Variants in CACNA2D1 observed in about 807,000 individuals in gnomAD.
The protein encoded by CACNA2D1 is calcium voltage-gated channel auxiliary subunit alpha2delta 1.
CACNA2D1 carries 53 observed loss-of-function variants against 171.5 expected under a neutral mutation model. The observed-to-expected ratio is 0.31, with a 90% CI of 0.25 to 0.39. The LOEUF is 0.39. CACNA2D1 is among the 10% of genes least tolerant of loss of function. CACNA2D1 has a pLI of 1.00. For synonymous variants in CACNA2D1, 442 were observed against 443.1 expected (o/e 1.00, Z 0.03); for missense variants, 903 against 1,299.8 (o/e 0.69, Z 4.69).
At position 82,055,955 on chromosome 7, in the gene CACNA2D1, T is replaced by TA. The variant is rs1562973604; in HGVS notation, c.879+4472dup. ...GTATATATATATATATATAATTTTT[T>TA]AAAAAAAGGAAAGAATCCCAAAAGG... is the stretch of plus-strand genomic sequence containing the variant. On this transcript the variant is annotated intron_variant, in intron 10 of 38. Coordinates refer to ENST00000356860, the MANE Select transcript of CACNA2D1 (RefSeq NM_000722.4). 6.5e-5 allele frequency among the ~76,000 whole-genome samples: 6 copies of TA among 92,110 alleles called. No homozygotes were observed. In the South Asian group the frequency reaches 1.0e-3, roughly 15 times the overall value. The allele number at this position is 92,110 out of a possible 152,430, so 60.4% of individuals were successfully genotyped here. A position where few individuals can be genotyped will look rare whatever the true frequency, so the allele number is the denominator to read the frequency against.
intron 3 of CACNA2D1, among the ~76,000 whole-genome samples, chr7:82,222,742 A>AT (rs1279105840): frequency 3.3e-5 from 5 of 151,280 alleles, no homozygotes; most frequent in South Asian, 4.2e-4. Context: ...TTTCTTATTC[A>AT]TTTTTTTTAT....
chr7:82,346,575 T>A (rs1819281739), intron 2 of CACNA2D1, among the ~76,000 whole-genome samples: 1 of 152,202 alleles, frequency 6.6e-6, no homozygotes, highest in South Asian at 2.1e-4. Flanking sequence ...TCTGTACCAT[T>A]GTTAGCAATT....
intron 4 of CACNA2D1, among the ~76,000 whole-genome samples, chr7:82,166,855 G>A (rs1228198159): frequency 1.3e-5 from 2 of 152,002 alleles, no homozygotes; most frequent in Non-Finnish European, 2.9e-5. Context: ...TATTCAGTTG[G>A]GAATTGAATG....
intron 6 of CACNA2D1, among the ~76,000 whole-genome samples, chr7:82,085,434 G>C (rs968801782): frequency 1.3e-5 from 2 of 151,670 alleles, no homozygotes; most frequent in African/African-American, 4.8e-5. Context: ...GAAACCTATG[G>C]GGCACCTTAG....
intron 3 of CACNA2D1, among the ~76,000 whole-genome samples, chr7:82,192,460 TTGTGTGTGTGTGTGTG>T (rs200160135): frequency 0.036 from 4,882 of 136,468 alleles, 206 homozygotes; most frequent in African/African-American, 0.11. Flanking sequence ...GTGTTTGTGT[TTGTGTGTGTGTGTGTG>T]TGTGTGTGTG....
chr7:82,304,334 T>C (rs1313510645), intron 3 of CACNA2D1, among the ~76,000 whole-genome samples: 1 of 151,014 alleles, frequency 6.6e-6, no homozygotes, highest in Non-Finnish European at 1.5e-5. Context: ...AATAATCCCA[T>C]TAGTGGATAT....
In CACNA2D1 at chr7:82,240,233, C is replaced by T. The variant is rs73705892; in HGVS notation, c.295-69624G>A. Reference sequence around the variant, plus strand: ...AATTAATGTCTATGAGCCTTGGTTTCCTCCTCAGTAAAAATAACACTACTG... The same window carrying T: ...AATTAATGTCTATGAGCCTTGGTTTTCTCCTCAGTAAAAATAACACTACTG... On this transcript the variant is annotated intron_variant, in intron 3 of 38. Transcript: ENST00000356860. Among the ~76,000 whole-genome samples the T allele has an allele frequency of 6.8e-3, 1,032 of 152,212 alleles. 6 individuals are homozygous for T. Among genetic ancestry groups the T allele is most frequent in the African/African-American group, 0.023 (940 of 41,534 alleles).
intron 20 of CACNA2D1, among the ~76,000 whole-genome samples, chr7:81,994,016 G>A (rs561689261): frequency 4.6e-4 from 70 of 152,152 alleles, no homozygotes; most frequent in African/African-American, 1.7e-3. Context: ...AAGGCCATGT[G>A]CTAATGAAGG....
chr7:82,099,658 C>A lies in CACNA2D1; in HGVS notation c.527-14758G>T, dbSNP rs369905793. ...TAGAGACAGGGTTTCACCGTGTTAG[C>A]CGGGATGGTCTCGATCTCCTGACCT... On this transcript the variant is annotated intron_variant, in intron 6 of 38. Transcript: ENST00000356860. Among the ~76,000 whole-genome samples, 4 of 63,228 alleles carry A rather than the reference C, an allele frequency of 6.3e-5. 1 individual carries two copies. Among genetic ancestry groups the A allele is most frequent in the East Asian group, 1.0e-3 (2 of 1,976 alleles). 41.5% of individuals were successfully genotyped at this position (63,228 alleles called of 152,430 possible).
At chr7:81,977,985 A>G (rs1796029927) in intron 24 of CACNA2D1, among the ~76,000 whole-genome samples, 1 of 152,244 alleles carries the variant, frequency 6.6e-6, no homozygotes, top group Non-Finnish European at 1.5e-5. Context: ...CATATGAAAA[A>G]AAGCTCATCA....
chr7:82,409,856 T>C (rs979415942), intron 1 of CACNA2D1, among the ~76,000 whole-genome samples: 2 of 152,206 alleles, frequency 1.3e-5, no homozygotes, highest in Non-Finnish European at 2.9e-5. Context: ...AGTGTACTTA[T>C]ACAAACCTAG....
At chr7:81,959,640 A>T in intron 37 of CACNA2D1, 80 bp downstream of exon 37, 1 of 1,411,506 alleles carries the variant, frequency 7.1e-7, no homozygotes, top group Non-Finnish European at 9.8e-7. Flanking sequence ...TTTTCTCTTT[A>T]TGAATATAAA....
At position 81,983,328 on chromosome 7, in the gene CACNA2D1, T is replaced by C. The variant is rs1064795828; in HGVS notation, c.1880A>G (p.Lys627Arg). The C allele has an allele frequency of 1.9e-5, 30 of 1,609,308 alleles. No homozygotes were observed. The highest frequency in any genetic ancestry group is 2.5e-5 in the Non-Finnish European group (29 of 1,176,678). Residue 627 changes from lysine to arginine, a missense_variant, in exon 23 of 39, where the codon AAG becomes AGG. Around this residue, in one of 5 missense-constraint regions of CACNA2D1, gnomAD observed 623 missense variants for 925.5 expected, o/e 0.67. Coordinates refer to ENST00000356860, the MANE Select transcript of CACNA2D1 (RefSeq NM_000722.4). ...AAAATACTTGCCCTTCATTTTGCCC[T>C]TTTTTGCTGTGAAAATCCATCAGAA... is the stretch of plus-strand genomic sequence containing the variant. ...EETITQARSKKGKMKDSETLK... is the reference protein window; with the variant it reads ...EETITQARSKRGKMKDSETLK...
intron 1 of CACNA2D1, among the ~76,000 whole-genome samples, chr7:82,378,505 T>C (rs1010018406): frequency 6.6e-6 from 1 of 152,224 alleles, no homozygotes; most frequent in Non-Finnish European, 1.5e-5. Flanking sequence ...GCTCAGTTTC[T>C]TAAAAATTAT....
chr7:82,255,677 A>G (rs1806214312), intron 3 of CACNA2D1, among the ~76,000 whole-genome samples: 1 of 152,234 alleles, frequency 6.6e-6, no homozygotes, highest in South Asian at 2.1e-4. Flanking sequence ...TAATGGGAAC[A>G]ATCAGAATAT....
chr7:82,219,551 G>A (rs1801529933), intron 3 of CACNA2D1, among the ~76,000 whole-genome samples: 1 of 152,136 alleles, frequency 6.6e-6, no homozygotes, highest in Non-Finnish European at 1.5e-5. Flanking sequence ...AAGAATTGTA[G>A]TCTAATTCTA....
intron 7 of CACNA2D1, among the ~76,000 whole-genome samples, chr7:82,078,289 G>C (rs1394598575): frequency 6.6e-6 from 1 of 151,948 alleles, no homozygotes; most frequent in Admixed American, 6.6e-5. Context: ...ACAACTAATT[G>C]TCTAAAAAAA....
At chr7:82,443,895 G>T, upstream of CACNA2D1, 1 of 387,178 alleles carries the variant, frequency 2.6e-6, no homozygotes, top group Non-Finnish European at 4.5e-6. Flanking sequence ...GCAGGAATCG[G>T]GGAATGGCAG....
intron 6 of CACNA2D1, among the ~76,000 whole-genome samples, chr7:82,086,724 T>C (rs1416952963): frequency 6.6e-6 from 1 of 152,174 alleles, no homozygotes; most frequent in East Asian, 1.9e-4. Flanking sequence ...ATTCTATCTC[T>C]TTAATTTCCT....
Sources: gnomAD v4.1 joint callset for allele counts (sites outside exome capture counted in the v4.1 genomes callset) on GRCh38, gnomAD v4.1.1 for gene constraint, gnomAD v4.1.1 regional missense constraint, MANE v1.5 for transcripts, NCBI Gene and HGNC (gene_info 2026-07-23, HGNC 2026-07-21) for gene names.